Variants in CAPN2 observed in about 807,000 individuals in gnomAD.
The protein encoded by CAPN2 is calpain 2, also known as calpain-2 catalytic subunit.
Under a neutral mutation model 102.3 loss-of-function variants are expected in CAPN2, and 92 were observed. The observed-to-expected ratio is 0.90, with a 90% confidence interval of 0.76 to 1.07. CAPN2 has a LOEUF of 1.07. Among genes scored for constraint, CAPN2 ranks in the 50% least tolerant of loss-of-function variants. The pLI is 0.00. For synonymous variants in CAPN2, 340 were observed against 355.4 expected (o/e 0.96, Z 0.49); for missense variants, 800 against 909.4 (o/e 0.88, Z 1.55).
intron 5 of CAPN2, 61 bp downstream of exon 5, chr1:223,747,226 A>G: frequency 6.6e-7 from 1 of 1,505,320 alleles, no homozygotes. Flanking sequence ...GGAGGCTCCC[A>G]CAGTGCCCAA....
intron 18 of CAPN2, 154 bp downstream of exon 18, chr1:223,770,679 A>AAAG (rs1661451468): frequency 1.1e-5 from 6 of 537,754 alleles, no homozygotes; most frequent in Non-Finnish European, 1.7e-5. Context: ...TTCCCCTTTC[A>AAAG]AAGACTAATT....
At chr1:223,729,545 A>AT (rs1345173847) in intron 2 of CAPN2, among the ~76,000 whole-genome samples, 1 of 152,218 alleles carries the variant, frequency 6.6e-6, no homozygotes, top group East Asian at 1.9e-4. Flanking sequence ...GGTTTTATAC[A>AT]TTTTAGGAGG....
chr1:223,707,819 T>C (rs894340703), upstream of CAPN2, among the ~76,000 whole-genome samples: 8 of 152,192 alleles, frequency 5.3e-5, no homozygotes, highest in Non-Finnish European at 1.2e-4. Context: ...ATAGGTCTGA[T>C]CTGCCCATTT....
chr1:223,703,850 T>C (rs7554857), intron 1 of CAPN2, among the ~76,000 whole-genome samples: 101,026 of 152,124 alleles, frequency 0.66, 35,282 homozygotes, highest in Non-Finnish European at 0.78. Flanking sequence ...TATTAAAATA[T>C]ACACATTATA....
Position 223,774,877 on chromosome 1 carries a change from G to GAAGA in CAPN2, c.*21_*24dup. The GAAGA allele has an allele frequency of 6.2e-7, 1 of 1,607,662 alleles. No individual in the cohort carries two copies. The highest frequency in any genetic ancestry group is 2.2e-5 in the East Asian group (1 of 44,788). ...CTTTGAAGTTATAACTAATCTGCCTGAAGACTTCTCATGATGGAAAATCAG... is the reference window on the plus strand; with the variant it reads ...CTTTGAAGTTATAACTAATCTGCCTGAAGAAAGACTTCTCATGATGGAAAATCAG... On this transcript the variant is annotated 3_prime_UTR_variant, in exon 21 of 21. Transcript: ENST00000295006.
chr1:223,705,393 A>C (rs1659580814), intron 1 of CAPN2, among the ~76,000 whole-genome samples: 1 of 152,182 alleles, frequency 6.6e-6, no homozygotes, highest in South Asian at 2.1e-4. Flanking sequence ...TCCTCGGAAG[A>C]CTGAGTGGCA....
intron 16 of CAPN2, 23 bp downstream of exon 16, chr1:223,766,454 G>T: frequency 1.3e-6 from 2 of 1,564,586 alleles, no homozygotes; most frequent in Non-Finnish European, 1.8e-6. Flanking sequence ...GTGCTCCAGG[G>T]AATAGAGACT....
In CAPN2 at chr1:223,756,931, G is replaced by A. The variant is rs1661049670; in HGVS notation, c.1306-438G>A. Among the ~76,000 whole-genome samples, 1 of 152,188 alleles carries A rather than the reference G, an allele frequency of 6.6e-6. No homozygotes were observed. Among genetic ancestry groups the A allele is most frequent in the African/African-American group, 2.4e-5 (1 of 41,436 alleles). On this transcript the variant is annotated intron_variant, in intron 10 of 20. Coordinates refer to ENST00000295006, the MANE Select transcript of CAPN2 (RefSeq NM_001748.5). The surrounding 1 kb of genome is among the most constrained non-coding windows in gnomAD (Gnocchi z 4.1). ...CCTATTTTTGAGACAAGAAAACTGA[G>A]GCCAGAGAGGAGAGGGGACTTGCTC...
intron 1 of CAPN2, among the ~76,000 whole-genome samples, chr1:223,706,291 C>T (rs931319534): frequency 6.6e-6 from 1 of 152,200 alleles, no homozygotes; most frequent in Non-Finnish European, 1.5e-5. Flanking sequence ...CAGAAGCCCC[C>T]TCCCTCCTGA....
chr1:223,769,878 A>G lies in CAPN2; in HGVS notation c.1793A>G (p.Tyr598Cys). 1 of 1,608,340 alleles carries G rather than the reference A, an allele frequency of 6.2e-7. No individual in the cohort carries two copies. Among genetic ancestry groups the G allele is most frequent in the Non-Finnish European group, 8.5e-7 (1 of 1,177,210 alleles). The change falls in exon 17 of 21, where the codon TAC becomes TGC. Residue 598 changes from tyrosine to cysteine, a missense_variant. Transcript: ENST00000295006. ...GSGKLGLKEF[Y>C]ILWTKIQKYQ... ...GGCAAGCTGGGGCTGAAGGAGTTCT[A>G]CATTCTCTGGACGAAGATTCAAAAA...
Position 223,770,471 on chromosome 1 carries a change from G to T in CAPN2, c.1849G>T (p.Asp617Tyr). Residue 617 changes from aspartate to tyrosine, a missense_variant, in exon 18 of 21, where the codon GAC becomes TAC. Asp to Tyr is a radical substitution (Grantham distance 160). Transcript: ENST00000295006. ...GAAAATTTACCGAGAAATCGACGTT[G>T]ACAGGTCTGGTACCATGAATTCCTA... ...YQKIYREIDV[D>Y]RSGTMNSYEM... 2 of 1,613,780 alleles carry T rather than the reference G, an allele frequency of 1.2e-6. No individual in the cohort carries two copies. The highest frequency in any genetic ancestry group is 1.7e-6 in the Non-Finnish European group (2 of 1,179,844).
At chr1:223,746,202 G>A (rs1192413176) in intron 4 of CAPN2, among the ~76,000 whole-genome samples, 2 of 152,272 alleles carry the variant, frequency 1.3e-5, no homozygotes, top group South Asian at 4.1e-4. Flanking sequence ...GGAGCCTGAC[G>A]GATGCTTCTA....
At chr1:223,710,962 G>A (rs1207919130), upstream of CAPN2, among the ~76,000 whole-genome samples, 2 of 152,116 alleles carry the variant, frequency 1.3e-5, no homozygotes, top group African/African-American at 2.4e-5. Flanking sequence ...CATGTCCTCA[G>A]GACTTCCTGT....
At chr1:223,710,198 C>T (rs1182629421), upstream of CAPN2, among the ~76,000 whole-genome samples, 3 of 152,100 alleles carry the variant, frequency 2.0e-5, no homozygotes, top group Non-Finnish European at 4.4e-5. Context: ...ATCGCTGGAA[C>T]CCGGGAGGCA....
intron 2 of CAPN2, among the ~76,000 whole-genome samples, chr1:223,739,766 C>T (rs1215892872): frequency 6.6e-6 from 1 of 152,226 alleles, no homozygotes; most frequent in Non-Finnish European, 1.5e-5. Flanking sequence ...TAGTCCCATC[C>T]ATATGGCAAC....
Position 223,771,923 on chromosome 1 carries a change from T to C in CAPN2, c.2018T>C (p.Phe673Ser), listed in dbSNP as rs779865206. The C allele has an allele frequency of 4.4e-6, 7 of 1,598,684 alleles. No homozygotes were observed. Among genetic ancestry groups the C allele is most frequent in the Non-Finnish European group, 6.0e-6 (7 of 1,165,970 alleles). The change falls in exon 19 of 21, where the codon TTC becomes TCC. Residue 673 changes from phenylalanine (F) to serine (S), a missense_variant and splice_region_variant. Coordinates refer to ENST00000295006, the MANE Select transcript of CAPN2 (RefSeq NM_001748.5). Reference sequence around the variant, plus strand: ...TGTTTGGTTCGGCTGGAAACGCTATTCAGTAAGTGGATATTTGGGGAATGA... The same window carrying C: ...TGTTTGGTTCGGCTGGAAACGCTATCCAGTAAGTGGATATTTGGGGAATGA... ...VRCLVRLETL[F>S]KIFKQLDPEN...
chr1:223,708,467 T>C (rs1016992023), upstream of CAPN2, among the ~76,000 whole-genome samples: 2 of 147,484 alleles, frequency 1.4e-5, no homozygotes, highest in African/African-American at 5.0e-5. Context: ...GACACTTCAA[T>C]AGAAAGAAAG....
At chr1:223,746,852 C>A (rs2102798503) in intron 4 of CAPN2, 145 bp from the exon 5 acceptor site, 4 of 593,408 alleles carry the variant, frequency 6.7e-6, no homozygotes, top group African/African-American at 5.5e-5. Flanking sequence ...TTCCTGAGCA[C>A]CCCGAGCTGG....
chr1:223,748,969 A>AGAGGGAGC, intron 5 of CAPN2, 70 bp from the exon 6 acceptor site: 1 of 1,407,872 alleles, frequency 7.1e-7, no homozygotes, highest in Non-Finnish European at 1.0e-6. Flanking sequence ...GCAGTAGGAC[A>AGAGGGAGC]GAGGGAGCGA....
Sources: gnomAD v4.1 joint callset for allele counts (sites outside exome capture counted in the v4.1 genomes callset) on GRCh38, gnomAD v4.1.1 for gene constraint, Gnocchi (gnomAD v3.1) non-coding constraint, MANE v1.5 for transcripts, NCBI Gene and HGNC (gene_info 2026-07-23, HGNC 2026-07-21) for gene names.